The following TG variants were observed in gnomAD, a reference collection of about 807,000 sequenced individuals.
TG encodes the protein thyroglobulin.
TG carries 270 observed loss-of-function variants against 324.7 expected under a neutral mutation model. The observed-to-expected ratio is 0.83, with a 90% CI of 0.75 to 0.92. TG has a LOEUF of 0.92. Among genes scored for constraint, TG ranks in the 40% least tolerant of loss-of-function variants. The pLI is 0.00. For missense variants in TG, 3,591 were observed against 3,456.4 expected, an observed-to-expected ratio of 1.04 and a Z score of -0.98; for synonymous variants, 1,401 against 1,327.0, an observed-to-expected ratio of 1.06 and a Z score of -1.21.
intron 35 of TG, among the ~76,000 whole-genome samples, chr8:132,984,346 CAGTT>C (rs1395574754): frequency 6.6e-6 from 1 of 152,172 alleles, no homozygotes; most frequent in Non-Finnish European, 1.5e-5. Context: ...TTCCCTCAGT[CAGTT>C]AAAATAGCAA....
chr8:133,029,902 T>G lies in TG; in HGVS notation c.7118T>G (p.Phe2373Cys). 6.2e-7 allele frequency: 1 copy of G among 1,614,190 alleles called. No individual in the cohort carries two copies. The highest frequency in any genetic ancestry group is 1.1e-5 in the South Asian group (1 of 91,082). Residue 2373 changes from phenylalanine to cysteine, a missense_variant, in exon 41 of 48, where the codon TTT becomes TGT. Physicochemically the swap from Phe to Cys is radical, Grantham distance 205. Transcript: ENST00000220616. ...LTWVQTHIRG[F>C]GGDPRRVSLA... is the part of the protein sequence containing the mutation. Reference sequence around the variant, plus strand: ...TGGGTGCAGACCCACATCCGAGGATTTGGCGGGGACCCTCGGCGCGTGTCC... The same window carrying G: ...TGGGTGCAGACCCACATCCGAGGATGTGGCGGGGACCCTCGGCGCGTGTCC...
At chr8:133,055,813 C>T (rs963251200) in intron 41 of TG, among the ~76,000 whole-genome samples, 10 of 148,844 alleles carry the variant, frequency 6.7e-5, no homozygotes, top group Admixed American at 3.3e-4. Context: ...CCTTCCTCCC[C>T]CTCCTCATCA....
rs375612600 is a variant in TG, at chr8:132,953,811, A to G, written c.5401+4868A>G. ...AGGATCTGGATCTCCCAAATTTCCA[A>G]TGAGCATTTCTGAGTGCATTCAACT... On this transcript the variant is annotated intron_variant, in intron 27 of 47. Coordinates refer to ENST00000220616, the MANE Select transcript of TG (RefSeq NM_003235.5). 5.4e-4 allele frequency among the ~76,000 whole-genome samples: 82 copies of G among 152,274 alleles called. 1 individual carries two copies. In the South Asian group the frequency reaches 0.016, roughly 29 times the overall value.
At chr8:132,954,823 C>G (rs1826611970) in intron 27 of TG, among the ~76,000 whole-genome samples, 2 of 152,164 alleles carry the variant, frequency 1.3e-5, no homozygotes, top group Non-Finnish European at 2.9e-5. Flanking sequence ...TTCAGCTCAC[C>G]AGTAGCACAG....
chr8:133,074,111 A>G (rs948688229), intron 41 of TG, among the ~76,000 whole-genome samples: 1 of 152,204 alleles, frequency 6.6e-6, no homozygotes, highest in Non-Finnish European at 1.5e-5. Flanking sequence ...CATATTTCTT[A>G]GAAAATTCCC....
At chr8:133,074,329 T>A (rs527760040) in intron 41 of TG, among the ~76,000 whole-genome samples, 1 of 152,152 alleles carries the variant, frequency 6.6e-6, no homozygotes. Flanking sequence ...CCTGGCTCCA[T>A]GCACCTTTAG....
chr8:132,951,389 G>T (rs1438201225), intron 27 of TG, among the ~76,000 whole-genome samples: 1 of 152,192 alleles, frequency 6.6e-6, no homozygotes. Context: ...TTTATATGAT[G>T]AGTAGTAAAC....
chr8:132,982,693 T>A (rs1831033394), intron 34 of TG, among the ~76,000 whole-genome samples: 1 of 152,198 alleles, frequency 6.6e-6, no homozygotes, highest in Non-Finnish European at 1.5e-5. Flanking sequence ...CCAAATGTAA[T>A]AAATTGTGTT....
intron 25 of TG, among the ~76,000 whole-genome samples, chr8:132,939,662 GGT>G (rs1491332732): frequency 3.9e-5 from 5 of 128,490 alleles, no homozygotes; most frequent in African/African-American, 1.4e-4. Context: ...TAGTCTATGG[GGT>G]TTTTTTTTTT....
chr8:133,032,082 A>G (rs780826498), intron 41 of TG, among the ~76,000 whole-genome samples: 1 of 152,158 alleles, frequency 6.6e-6, no homozygotes, highest in South Asian at 2.1e-4. Context: ...CACCCCACAC[A>G]GCACATCTTA....
chr8:133,001,853 C>T (rs1833541009), intron 35 of TG: 2 of 985,458 alleles, frequency 2.0e-6, no homozygotes, highest in Non-Finnish European at 2.4e-6. Flanking sequence ...CCCCAGCCAG[C>T]CTGTGCAGGT....
chr8:133,062,886 C>G lies in TG; in HGVS notation c.7240-32158C>G, dbSNP rs569100676. 5.7e-3 allele frequency among the ~76,000 whole-genome samples: 862 copies of G among 152,232 alleles called. 4 individuals are homozygous for G. The highest frequency in any genetic ancestry group is 0.01 in the Admixed American group (155 of 15,302). On this transcript the variant is annotated intron_variant, in intron 41 of 47. Transcript: ENST00000220616. Reference sequence around the variant, plus strand: ...TCAGGAAGCATGTGTGTGACATGCACAGGCTGCTCTGCTACGCACAGGCCT... The same window carrying G: ...TCAGGAAGCATGTGTGTGACATGCAGAGGCTGCTCTGCTACGCACAGGCCT...
At chr8:132,984,870 A>C (rs1454965180) in intron 35 of TG, among the ~76,000 whole-genome samples, 1 of 151,644 alleles carries the variant, frequency 6.6e-6, no homozygotes, top group Non-Finnish European at 1.5e-5. Context: ...TGAACCCAGG[A>C]GGCAGAGGTT....
chr8:132,990,562 C>A (rs536660913), intron 35 of TG, among the ~76,000 whole-genome samples: 10 of 152,246 alleles, frequency 6.6e-5, no homozygotes, highest in Non-Finnish European at 1.5e-4. Context: ...CTTAACTAAC[C>A]TCCCTGTCTC....
intron 27 of TG, among the ~76,000 whole-genome samples, chr8:132,956,659 G>C (rs1001342056): frequency 6.6e-6 from 1 of 152,214 alleles, no homozygotes; most frequent in Non-Finnish European, 1.5e-5. Flanking sequence ...TAGGGCATGA[G>C]GCTGCTCAGC....
chr8:132,906,869 G>A lies in TG; in HGVS notation c.3816G>A (p.Glu1272=). 6.2e-7 allele frequency: 1 copy of A among 1,613,524 alleles called. No individual in the cohort carries two copies. Among genetic ancestry groups the A allele is most frequent in the Non-Finnish European group, 8.5e-7 (1 of 1,179,856 alleles). The change falls in exon 17 of 48, where the codon GAG becomes GAA. Residue 1272 remains glutamate, a synonymous_variant. Coordinates refer to ENST00000220616, the MANE Select transcript of TG (RefSeq NM_003235.5). ...LICSLESGRW[E]SQLPQPRACQ... The stretch of plus-strand genomic sequence containing the variant: ...GTAGCCTGGAGAGCGGACGCTGGGA[G>A]TCACAGCTGCCTCAGCCCCGGGCCT...
chr8:132,888,565 A>G lies in TG; in HGVS notation c.2758A>G (p.Thr920Ala). The change falls in exon 10 of 48, where the codon ACA (threonine) becomes GCA (alanine). Residue 920 changes from threonine to alanine, a missense_variant. Physicochemically the swap from Thr to Ala is moderately conservative, Grantham distance 58. Transcript: ENST00000220616. ...GCGGTCTGAGCCAAGCAAGCTCCCA[A>G]CATGTGAGCTAACGCATATGAAGAG... ...GMRSEPSKLP[T>A]CPGSCEEAKL... is the part of the protein sequence containing the mutation. 1 of 1,610,500 alleles carries G rather than the reference A, an allele frequency of 6.2e-7. No homozygotes were observed. Among genetic ancestry groups the G allele is most frequent in the Non-Finnish European group, 8.5e-7 (1 of 1,179,038 alleles).
chr8:132,987,807 T>G (rs1463544518), intron 35 of TG, among the ~76,000 whole-genome samples: 1 of 151,834 alleles, frequency 6.6e-6, no homozygotes, highest in Non-Finnish European at 1.5e-5. Context: ...ATGCAAACCA[T>G]TCTCTCTGGA....
intron 43 of TG, among the ~76,000 whole-genome samples, chr8:133,101,075 G>T (rs1168898187): frequency 2.0e-5 from 3 of 152,110 alleles, no homozygotes; most frequent in Non-Finnish European, 4.4e-5. Context: ...CAATTGCAGG[G>T]CAGGAGTGGG....
Sources: gnomAD v4.1 joint callset for allele counts (sites outside exome capture counted in the v4.1 genomes callset) on GRCh38, gnomAD v4.1.1 for gene constraint, MANE v1.5 for transcripts, NCBI Gene and HGNC (gene_info 2026-07-23, HGNC 2026-07-21) for gene names.